The following KIFAP3 variants were observed in gnomAD, a reference collection of about 807,000 sequenced individuals.
KIFAP3 encodes the protein kinesin associated protein 3, also known as kinesin-associated protein 3.
In KIFAP3, 68 loss-of-function variants were observed where a neutral mutation model predicts 106.5. The ratio of observed to expected loss-of-function variants is 0.64; its 90% CI spans 0.53 to 0.78. The LOEUF is 0.78. KIFAP3 is among the 30% of genes least tolerant of loss of function. The pLI, the probability that KIFAP3 is intolerant of heterozygous loss-of-function variation, is 0.00. For missense variants in KIFAP3, 780 were observed against 941.8 expected (o/e 0.83, Z 2.25); for synonymous variants, 320 against 311.5 (o/e 1.03, Z -0.29).
intron 19 of KIFAP3, 106 bp downstream of exon 19, chr1:169,953,905 T>C (rs1664869179): frequency 1.3e-6 from 1 of 773,702 alleles, no homozygotes; most frequent in Non-Finnish European, 2.3e-6. Flanking sequence ...TGAGGGTTTT[T>C]TCCCCCCTCT....
intron 11 of KIFAP3, among the ~76,000 whole-genome samples, chr1:169,985,880 G>A (rs1401054594): frequency 6.6e-6 from 1 of 151,902 alleles, no homozygotes; most frequent in Non-Finnish European, 1.5e-5. Flanking sequence ...GTCATGGTGA[G>A]AAACAGCTGC....
intron 1 of KIFAP3, among the ~76,000 whole-genome samples, chr1:170,080,684 A>G (rs115414805): frequency 7.7e-4 from 118 of 152,276 alleles, no homozygotes; most frequent in African/African-American, 2.7e-3. Flanking sequence ...CGGTGCAGAG[A>G]TATCTAGGTA....
rs765053191 is a variant in KIFAP3 at position 170,038,339 on chromosome 1, G to A, written c.468C>T (p.Ile156=). 1 of 1,609,404 alleles carries A rather than the reference G, an allele frequency of 6.2e-7. No homozygotes were observed. Among genetic ancestry groups the A allele is most frequent in the Admixed American group, 1.7e-5 (1 of 58,238 alleles). ...TATCAGGATTTCGAGCAAGCTGCAG[G>A]ATCAAAGCAGAACCCCGAACTTTGT... ...IPDKVRGSAL[I]LQLARNPDNL... Residue 156 remains isoleucine, a synonymous_variant, in exon 5 of 20, where the codon ATC becomes ATT. Coordinates refer to ENST00000361580, the MANE Select transcript of KIFAP3 (RefSeq NM_014970.4).
At position 169,965,382 on chromosome 1, in the gene KIFAP3, T is replaced by TAA. The variant is rs74813170; in HGVS notation, c.1984-4149_1984-4148dup. On this transcript the variant is annotated intron_variant, in intron 17 of 19. Coordinates refer to ENST00000361580, the MANE Select transcript of KIFAP3 (RefSeq NM_014970.4). ...ATTTCAAGCATATTCATTCCTGGTG[T>TAA]AAAACAGGGGTTAAAATTCAGTCAA... 2.4e-4 allele frequency among the ~76,000 whole-genome samples: 37 copies of TAA among 152,026 alleles called. 1 individual carries two copies. The East Asian group carries it at 5.6e-3, about 23-fold the overall frequency.
intron 3 of KIFAP3, among the ~76,000 whole-genome samples, chr1:170,045,961 C>A (rs1670225631): frequency 6.6e-6 from 1 of 152,000 alleles, no homozygotes; most frequent in South Asian, 2.1e-4. Context: ...CCCTGAGTTG[C>A]AGTGAAACAG....
chr1:170,081,131 T>C (rs894533352), intron 1 of KIFAP3, among the ~76,000 whole-genome samples: 1 of 152,146 alleles, frequency 6.6e-6, no homozygotes, highest in African/African-American at 2.4e-5. Context: ...AGACTGAAAG[T>C]ATTTGCCATA....
chr1:170,081,475 A>G (rs1672019694), intron 1 of KIFAP3, among the ~76,000 whole-genome samples: 1 of 152,220 alleles, frequency 6.6e-6, no homozygotes, highest in South Asian at 2.1e-4. Flanking sequence ...TGAGTTAAAA[A>G]TCAAGATACC....
chr1:170,024,651 T>C (rs1223990072), intron 8 of KIFAP3, 55 bp from the exon 9 acceptor site: 3 of 1,094,142 alleles, frequency 2.7e-6, no homozygotes, highest in East Asian at 5.8e-5. Context: ...ATTAATAATT[T>C]AGAAAATCAT....
chr1:169,991,961 T>A (rs1313967289), intron 11 of KIFAP3, among the ~76,000 whole-genome samples, 194 bp downstream of exon 11: 1 of 152,040 alleles, frequency 6.6e-6, no homozygotes, highest in African/African-American at 2.4e-5. Context: ...TAAATAGTTA[T>A]CTCTAAGTTT....
chr1:170,048,990 T>G (rs1670427858), intron 2 of KIFAP3, among the ~76,000 whole-genome samples: 1 of 152,154 alleles, frequency 6.6e-6, no homozygotes, highest in South Asian at 2.1e-4. Flanking sequence ...TTCACTGCCC[T>G]GGAAAGGGGG....
chr1:169,929,380 C>G (rs556040065), intron 19 of KIFAP3, among the ~76,000 whole-genome samples: 25 of 152,074 alleles, frequency 1.6e-4, no homozygotes, highest in Non-Finnish European at 3.1e-4. Flanking sequence ...GTCTTGAACA[C>G]TGAAAAATGT....
chr1:169,954,840 TTC>T (rs1664924607), intron 18 of KIFAP3, among the ~76,000 whole-genome samples: 1 of 152,216 alleles, frequency 6.6e-6, no homozygotes, highest in Non-Finnish European at 1.5e-5. Flanking sequence ...ATGCTTATTA[TTC>T]TTTGCTTATA....
At chr1:170,064,707 G>C (rs1671347609) in intron 1 of KIFAP3, among the ~76,000 whole-genome samples, 1 of 152,136 alleles carries the variant, frequency 6.6e-6, no homozygotes, top group South Asian at 2.1e-4. Flanking sequence ...TATGGCTTTA[G>C]TTTTTTCCTT....
At chr1:170,016,716 G>A (rs1467999088) in intron 9 of KIFAP3, 92 bp from the exon 10 acceptor site, 2 of 711,500 alleles carry the variant, frequency 2.8e-6, no homozygotes, top group Non-Finnish European at 4.4e-6. Context: ...TTACCCTAAT[G>A]TATATCTGTT....
At chr1:169,928,673 C>T (rs923573335) in intron 19 of KIFAP3, among the ~76,000 whole-genome samples, 87 of 94,612 alleles carry the variant, frequency 9.2e-4, no homozygotes, top group African/African-American at 3.5e-3. Context: ...CCAGCCTGGG[C>T]AACAGAGTGA....
intron 11 of KIFAP3, 144 bp from the exon 12 acceptor site, chr1:169,984,834 C>T: frequency 1.9e-6 from 1 of 533,672 alleles, no homozygotes; most frequent in Non-Finnish European, 3.4e-6. Flanking sequence ...ATAAAACTGG[C>T]AGGCGTTCAC....
chr1:169,926,905 T>A (rs954581303), intron 19 of KIFAP3, among the ~76,000 whole-genome samples: 4 of 152,186 alleles, frequency 2.6e-5, no homozygotes, highest in Non-Finnish European at 5.9e-5. Context: ...AATTGTCAAG[T>A]GAAAGAATTT....
Position 170,024,594 on chromosome 1 carries a change from C to A in KIFAP3, c.844G>T (p.Ala282Ser). 1 of 1,527,750 alleles carries A rather than the reference C, an allele frequency of 6.5e-7. No homozygotes were observed. Among genetic ancestry groups the A allele is most frequent in the Non-Finnish European group, 8.8e-7 (1 of 1,138,570 alleles). 94.6% of individuals were successfully genotyped at this position (1,527,750 alleles called of 1,614,324 possible). A position where few individuals can be genotyped will look rare whatever the true frequency, so the allele number is the denominator to read the frequency against. The stretch of plus-strand genomic sequence containing the variant: ...GCAAGATTCAGAAGCAAATAAAGAG[C>A]AACTAGAAAAGTAAAATATATGAGA... ...VVKQEQLLRV[A>S]LYLLLNLAED... Residue 282 changes from alanine (A) to serine (S), a missense_variant and splice_region_variant, in exon 9 of 20, where the codon GCT becomes TCT. Transcript: ENST00000361580.
chr1:170,055,426 C>T lies in KIFAP3; in HGVS notation c.43G>A (p.Gly15Arg). ...DARYLKRKVK[G>R]GNIDVHPSEK... ...GATGGATGTACATCTATATTCCCTC[C>T]TTTAACTTTCCTATAATACAAAATT... The change falls in exon 2 of 20, where the codon GGA becomes AGA. Residue 15 changes from glycine (G) to arginine (R), a missense_variant. This residue lies in a region of KIFAP3 where 588 missense variants were observed against 678.9 expected (regional missense o/e 0.87). Coordinates refer to ENST00000361580, the MANE Select transcript of KIFAP3 (RefSeq NM_014970.4). The T allele has an allele frequency of 1.3e-6, 2 of 1,585,168 alleles. No individual in the cohort carries two copies. The highest frequency in any genetic ancestry group is 1.7e-6 in the Non-Finnish European group (2 of 1,167,444).
Sources: gnomAD v4.1 joint callset for allele counts (sites outside exome capture counted in the v4.1 genomes callset) on GRCh38, gnomAD v4.1.1 for gene constraint, gnomAD v4.1.1 regional missense constraint, MANE v1.5 for transcripts, NCBI Gene and HGNC (gene_info 2026-07-23, HGNC 2026-07-21) for gene names.